The following NDUFA10 variants were observed in gnomAD, a reference collection of about 807,000 sequenced individuals.
The protein encoded by NDUFA10 is NADH dehydrogenase [ubiquinone] 1 alpha subcomplex subunit 10, mitochondrial.
Under a neutral mutation model 47.8 loss-of-function variants are expected in NDUFA10, and 40 were observed. That is an observed-to-expected ratio of 0.84 (90% CI 0.65 to 1.09). NDUFA10 has a LOEUF of 1.09. NDUFA10 is among the 50% of genes least tolerant of loss of function. The pLI is 0.00. For synonymous variants in NDUFA10, 183 were observed against 172.2 expected (o/e 1.06, Z -0.49); for missense variants, 413 against 451.1 (o/e 0.92, Z 0.76).
At chr2:240,002,330 CAAA>C (rs61475593) in intron 8 of NDUFA10, among the ~76,000 whole-genome samples, 20 of 83,752 alleles carry the variant, frequency 2.4e-4, no homozygotes, top group African/African-American at 6.8e-4. Flanking sequence ...AACTCTGACT[CAAA>C]AAAAAAAAAA....
intron 4 of NDUFA10, chr2:240,017,710 C>G: frequency 1.2e-6 from 1 of 866,606 alleles, no homozygotes; most frequent in Admixed American, 2.1e-5. Context: ...ATCAGAAGCA[C>G]GGGCTTGCAG....
At chr2:239,927,316 G>A (rs540237895) in intron 4 of NDUFA10, among the ~76,000 whole-genome samples, 7 of 152,312 alleles carry the variant, frequency 4.6e-5, no homozygotes, top group African/African-American at 1.7e-4. Flanking sequence ...AAAAGAGTCA[G>A]AAAGTTAAAA....
chr2:240,014,030 G>C (rs1574889512), intron 5 of NDUFA10: 1 of 152,326 alleles, frequency 6.6e-6, no homozygotes, highest in South Asian at 2.1e-4. Context: ...CTTGCAGTGA[G>C]CCGAGATCGT....
intron 4 of NDUFA10, among the ~76,000 whole-genome samples, chr2:239,930,841 G>C (rs1694159015): frequency 7.5e-6 from 1 of 132,806 alleles, no homozygotes; most frequent in Non-Finnish European, 1.6e-5. Flanking sequence ...GCAGGGTCCT[G>C]GTGGACGGGT....
intron 4 of NDUFA10, among the ~76,000 whole-genome samples, chr2:239,899,371 AGG>A (rs1221080524): frequency 1.7e-5 from 1 of 59,022 alleles, no homozygotes; most frequent in African/African-American, 6.3e-5. Context: ...AGTGTGATGG[AGG>A]GGTGTGGAGG....
intron 8 of NDUFA10, among the ~76,000 whole-genome samples, chr2:240,000,984 C>T (rs1359448856): frequency 6.6e-6 from 1 of 152,218 alleles, no homozygotes; most frequent in Admixed American, 6.5e-5. Context: ...GAACTACATA[C>T]ACAAAGCAGT....
At chr2:239,916,675 G>A (rs1185609669) in intron 4 of NDUFA10, among the ~76,000 whole-genome samples, 1 of 152,244 alleles carries the variant, frequency 6.6e-6, no homozygotes, top group East Asian at 1.9e-4. Flanking sequence ...CAGCAGGTTT[G>A]GTGTCTGCGA....
rs976318291 is a variant in NDUFA10, at chr2:239,908,779, A to G, written c.295-13465T>C. On this transcript the variant is annotated intron_variant, in intron 4 of 5. Coordinates refer to the NDUFA10 transcript ENST00000419408. ...CAGTTAGAGAAGGGGCCAGGCCCTC[A>G]GTGCCCTCCACAGCCCACCTTCCCA... Among the ~76,000 whole-genome samples, 5 of 152,210 alleles carry G rather than the reference A, an allele frequency of 3.3e-5. No homozygotes were observed. In the South Asian group the frequency reaches 6.2e-4, roughly 19 times the overall value.
At chr2:239,967,969 G>GAAA (rs763408659) in intron 9 of NDUFA10, among the ~76,000 whole-genome samples, 1 of 69,892 alleles carries the variant, frequency 1.4e-5, no homozygotes, top group Admixed American at 1.7e-4. Context: ...ATCAGTCAAG[G>GAAA]AAAAAAATAT....
chr2:239,969,393 T>A, intron 9 of NDUFA10: 1 of 243,314 alleles, frequency 4.1e-6, no homozygotes, highest in East Asian at 9.5e-5. Flanking sequence ...GAGCTCCTAC[T>A]GCAGGGAGGA....
chr2:239,930,956 G>T (rs1031035419), intron 4 of NDUFA10, among the ~76,000 whole-genome samples: 5 of 150,326 alleles, frequency 3.3e-5, no homozygotes, highest in African/African-American at 1.2e-4. Context: ...CCCAGGAGGG[G>T]GGGCAGGGTC....
intron 4 of NDUFA10, among the ~76,000 whole-genome samples, chr2:239,926,742 G>C (rs1694073384): frequency 6.6e-6 from 1 of 152,140 alleles, no homozygotes; most frequent in African/African-American, 2.4e-5. Context: ...CTTCCAGTGG[G>C]ACAGGAGGTG....
At chr2:239,916,649 T>C (rs1693884352) in intron 4 of NDUFA10, among the ~76,000 whole-genome samples, 1 of 152,250 alleles carries the variant, frequency 6.6e-6, no homozygotes, top group African/African-American at 2.4e-5. Context: ...GGCTGAGAAG[T>C]CCAGGGTCCA....
intron 4 of NDUFA10, among the ~76,000 whole-genome samples, chr2:239,930,337 C>T (rs532318050): frequency 6.6e-6 from 1 of 152,258 alleles, no homozygotes; most frequent in East Asian, 1.9e-4. Flanking sequence ...TTGCCATGAC[C>T]TTCACATCCC....
At chr2:239,922,591 G>A (rs542817124) in intron 4 of NDUFA10, among the ~76,000 whole-genome samples, 14 of 152,344 alleles carry the variant, frequency 9.2e-5, no homozygotes, top group African/African-American at 2.6e-4. Flanking sequence ...ATCAGAGGCT[G>A]GGCATTGCCA....
chr2:240,025,283 T>C lies in NDUFA10; in HGVS notation c.19A>G (p.Lys7Glu). MALRLL[K>E]LAATSASARV... The stretch of plus-strand genomic sequence containing the variant: ...GCGGACGCGGACGTCGCTGCCAGCT[T>C]CAGGAGCCGCAAGGCCATGGCTACC... The change falls in exon 1 of 10, where the codon AAG becomes GAG. Residue 7 changes from lysine to glutamate, a missense_variant. Coordinates refer to ENST00000252711, the MANE Select transcript of NDUFA10 (RefSeq NM_004544.4). 1 of 1,502,870 alleles carries C rather than the reference T, an allele frequency of 6.7e-7. No individual in the cohort carries two copies. Among genetic ancestry groups the C allele is most frequent in the Non-Finnish European group, 8.9e-7 (1 of 1,129,514 alleles). 93.1% of individuals were successfully genotyped at this position (1,502,870 alleles called of 1,614,324 possible). A position where few individuals can be genotyped will look rare whatever the true frequency, so the allele number is the denominator to read the frequency against.
intron 9 of NDUFA10, among the ~76,000 whole-genome samples, chr2:239,985,830 G>C (rs1262145821): frequency 1.3e-5 from 2 of 149,858 alleles, no homozygotes; most frequent in Admixed American, 1.3e-4. Context: ...AGAATCGCTT[G>C]AACCTGGGAG....
chr2:239,895,778 G>A (rs11695916), intron 4 of NDUFA10, among the ~76,000 whole-genome samples: 64,331 of 152,078 alleles, frequency 0.42, 13,934 homozygotes, highest in East Asian at 0.62. Flanking sequence ...TACCTTAACA[G>A]TGGAAGTGCT....
chr2:239,946,903 AG>A (rs1694462672), intron 4 of NDUFA10, among the ~76,000 whole-genome samples: 1 of 152,218 alleles, frequency 6.6e-6, no homozygotes, highest in Non-Finnish European at 1.5e-5. Flanking sequence ...TCTGAACCTC[AG>A]GCCGCCTTTG....
Sources: allele counts gnomAD v4.1 joint callset (sites outside exome capture counted in the v4.1 genomes callset), GRCh38; gene constraint gnomAD v4.1.1; transcripts MANE v1.5; gene names NCBI Gene and HGNC (gene_info 2026-07-23, HGNC 2026-07-21).